Variants in TOM1L2 observed in about 807,000 individuals in gnomAD.
TOM1L2 encodes the protein target of myb1 like 2 membrane trafficking protein.
Under a neutral mutation model 67.9 loss-of-function variants are expected in TOM1L2, and 31 were observed. The observed-to-expected ratio is 0.46, with a 90% CI of 0.34 to 0.62. The LOEUF (loss-of-function observed/expected upper bound fraction) is 0.62, where lower values mean the gene tolerates loss of function less well. TOM1L2 is among the 20% of genes least tolerant of loss of function. TOM1L2 has a pLI of 0.01. For missense variants in TOM1L2, 606 were observed against 663.5 expected (o/e 0.91, Z 0.95); for synonymous variants, 256 against 254.0 (o/e 1.01, Z -0.07).
chr17:17,925,673 C>T (rs576763749), intron 1 of TOM1L2, among the ~76,000 whole-genome samples: 6 of 132,838 alleles, frequency 4.5e-5, no homozygotes, highest in South Asian at 5.2e-4. Context: ...GACCTCACCT[C>T]GTGTCTACCA....
At chr17:17,943,328 T>C (rs955909931) in intron 1 of TOM1L2, among the ~76,000 whole-genome samples, 19 of 152,114 alleles carry the variant, frequency 1.2e-4, no homozygotes, top group Non-Finnish European at 4.4e-5. Flanking sequence ...TGCTGCTAAT[T>C]AGAGCTAGGG....
chr17:17,940,760 G>A (rs2040700086), intron 1 of TOM1L2, among the ~76,000 whole-genome samples: 1 of 152,168 alleles, frequency 6.6e-6, no homozygotes, highest in Non-Finnish European at 1.5e-5. Context: ...GTTTCAAAGG[G>A]AACAGTTTTA....
At chr17:17,857,737 C>A in intron 12 of TOM1L2, 2 of 1,528,542 alleles carry the variant, frequency 1.3e-6, no homozygotes, top group Non-Finnish European at 1.8e-6. Flanking sequence ...CTGGGGTGGA[C>A]AGCAGGCTTG....
intron 12 of TOM1L2, chr17:17,858,522 TTC>T (rs375967044): frequency 1.3e-5 from 2 of 152,480 alleles, no homozygotes; most frequent in African/African-American, 4.8e-5. Flanking sequence ...ATTCAAGCAA[TTC>T]TCTGTCTCAG....
chr17:17,959,549 C>T (rs912724354), intron 1 of TOM1L2, among the ~76,000 whole-genome samples: 3 of 152,140 alleles, frequency 2.0e-5, no homozygotes, highest in Admixed American at 1.3e-4. Context: ...AGGAGACTCT[C>T]GCTCTCTGGA....
chr17:17,966,097 G>A (rs2041862736), intron 1 of TOM1L2, among the ~76,000 whole-genome samples: 1 of 151,974 alleles, frequency 6.6e-6, no homozygotes, highest in African/African-American at 2.4e-5. Flanking sequence ...CTCCACCCTG[G>A]GCAACAGAGC....
chr17:17,899,205 T>C (rs1027592637), intron 2 of TOM1L2, among the ~76,000 whole-genome samples: 2 of 152,182 alleles, frequency 1.3e-5, no homozygotes, highest in Non-Finnish European at 2.9e-5. Flanking sequence ...TGTGGGTACA[T>C]AGAAGAGAGT....
intron 4 of TOM1L2, among the ~76,000 whole-genome samples, chr17:17,889,318 T>A (rs2038154267): frequency 6.6e-6 from 1 of 152,174 alleles, no homozygotes; most frequent in African/African-American, 2.4e-5. Flanking sequence ...AAGGTGCCAC[T>A]GGGTAGGCTG....
intron 1 of TOM1L2, among the ~76,000 whole-genome samples, chr17:17,950,448 T>A (rs1318797105): frequency 6.6e-6 from 1 of 152,002 alleles, no homozygotes; most frequent in Non-Finnish European, 1.5e-5. Flanking sequence ...CGTGAGTCAC[T>A]ATGCCTAGCC....
At chr17:17,935,685 C>T (rs778441930) in intron 1 of TOM1L2, among the ~76,000 whole-genome samples, 16 of 152,180 alleles carry the variant, frequency 1.1e-4, no homozygotes, top group South Asian at 2.1e-4. Flanking sequence ...AATTATACAC[C>T]TTATTATACC....
At chr17:17,965,585 T>C (rs1303087638) in intron 1 of TOM1L2, among the ~76,000 whole-genome samples, 1 of 152,212 alleles carries the variant, frequency 6.6e-6, no homozygotes, top group Non-Finnish European at 1.5e-5. Context: ...CAGCACAGCG[T>C]GACAGGATAC....
At chr17:17,901,902 A>G (rs559297077) in intron 2 of TOM1L2, among the ~76,000 whole-genome samples, 91 of 152,320 alleles carry the variant, frequency 6.0e-4, no homozygotes, top group African/African-American at 2.2e-3. Context: ...AAACAGTCCC[A>G]GCTGGGTGCT....
chr17:17,936,365 A>G (rs2040515422), intron 1 of TOM1L2, among the ~76,000 whole-genome samples: 1 of 152,142 alleles, frequency 6.6e-6, no homozygotes, highest in African/African-American at 2.4e-5. Context: ...CCCTGCCCCA[A>G]CCTGGGCCAG....
At chr17:17,904,880 C>A (rs1322267768) in intron 2 of TOM1L2, among the ~76,000 whole-genome samples, 1 of 152,232 alleles carries the variant, frequency 6.6e-6, no homozygotes, top group Non-Finnish European at 1.5e-5. Flanking sequence ...ACCCACCTTT[C>A]CCTCTGGGAC....
At chr17:17,950,285 T>A (rs1432735501) in intron 1 of TOM1L2, among the ~76,000 whole-genome samples, 1 of 152,158 alleles carries the variant, frequency 6.6e-6, no homozygotes, top group Non-Finnish European at 1.5e-5. Context: ...GTCTTCCGAG[T>A]AGCTGGGATT....
intron 7 of TOM1L2, among the ~76,000 whole-genome samples, chr17:17,871,763 C>A (rs1282386922): frequency 6.6e-6 from 1 of 152,240 alleles, no homozygotes; most frequent in African/African-American, 2.4e-5. Flanking sequence ...CTTCTCAGCA[C>A]TCTTCACTCA....
chr17:17,878,579 C>T (rs545208745), intron 7 of TOM1L2, among the ~76,000 whole-genome samples: 7 of 152,300 alleles, frequency 4.6e-5, no homozygotes, highest in Admixed American at 1.3e-4. Flanking sequence ...CCTTCACAGG[C>T]GGCAAGCATG....
intron 1 of TOM1L2, among the ~76,000 whole-genome samples, chr17:17,911,844 G>C (rs1200782221): frequency 6.9e-6 from 1 of 145,808 alleles, no homozygotes; most frequent in Non-Finnish European, 1.5e-5. Flanking sequence ...AGATTAGGGA[G>C]TGGTGACGAC....
intron 1 of TOM1L2, among the ~76,000 whole-genome samples, chr17:17,923,106 CCA>C (rs1341734401): frequency 2.0e-5 from 3 of 152,188 alleles, no homozygotes; most frequent in African/African-American, 7.2e-5. Flanking sequence ...CTCATTAAAG[CCA>C]CAGTGTTGGC....
Sources: allele counts gnomAD v4.1 joint callset (sites outside exome capture counted in the v4.1 genomes callset), GRCh38; gene constraint gnomAD v4.1.1; transcripts MANE v1.5; gene names NCBI Gene and HGNC (gene_info 2026-07-23, HGNC 2026-07-21).